Variants in RCOR3 observed in about 807,000 individuals in gnomAD.
RCOR3 encodes REST corepressor 3.
A neutral mutation model predicts 64.1 loss-of-function variants in RCOR3; 13 were observed. The observed-to-expected ratio is 0.20, with a 90% CI of 0.13 to 0.32. The LOEUF is 0.32. Ranked by LOEUF, RCOR3 falls within the 10% of genes least tolerant of loss-of-function variation. RCOR3 has a pLI of 1.00. For missense variants in RCOR3, 489 were observed against 701.2 expected (o/e 0.70, Z 3.42); for synonymous variants, 215 against 239.0 (o/e 0.90, Z 0.93).
chr1:211,284,520 TTATTTATG>T (rs77980024), intron 7 of RCOR3, among the ~76,000 whole-genome samples: 45,852 of 150,002 alleles, frequency 0.31, 7,392 homozygotes, highest in African/African-American at 0.38. Flanking sequence ...ATTTATTTAT[TTATTTATG>T]TATTTATTTA....
At chr1:211,294,479 G>A (rs1160941983) in intron 8 of RCOR3, among the ~76,000 whole-genome samples, 1 of 150,156 alleles carries the variant, frequency 6.7e-6, no homozygotes, top group Non-Finnish European at 1.5e-5. Flanking sequence ...TGTCTTATGT[G>A]TCATTGAAGT....
At chr1:211,291,472 T>C (rs1699233887) in intron 8 of RCOR3, 1 of 433,988 alleles carries the variant, frequency 2.3e-6, no homozygotes, top group Non-Finnish European at 4.6e-6. Flanking sequence ...CCAAGCATTT[T>C]GGATAAGGGA....
intron 10 of RCOR3, among the ~76,000 whole-genome samples, chr1:211,310,839 G>A (rs1044793320): frequency 6.6e-6 from 1 of 152,166 alleles, no homozygotes; most frequent in Non-Finnish European, 1.5e-5. Flanking sequence ...TAGGAATACA[G>A]TCTAATCCTA....
At chr1:211,289,792 CATT>C (rs1480071431) in intron 8 of RCOR3, among the ~76,000 whole-genome samples, 3 of 152,278 alleles carry the variant, frequency 2.0e-5, no homozygotes, top group South Asian at 2.1e-4. Context: ...TCATCATCAT[CATT>C]ATCAGTAGTA....
At chr1:211,263,995 T>G (rs1165908294) in intron 2 of RCOR3, among the ~76,000 whole-genome samples, 1 of 152,142 alleles carries the variant, frequency 6.6e-6, no homozygotes, top group Non-Finnish European at 1.5e-5. Flanking sequence ...TTTTGTTTTT[T>G]GTATTTTTGT....
At position 211,279,270 on chromosome 1, in the gene RCOR3, A is replaced by G. The variant is rs1697440976; in HGVS notation, c.674A>G (p.Asp225Gly). ...DDDVEETHPM[D>G]GNDSDYDPKK... Reference sequence around the variant, plus strand: ...GATGTAGAAGAAACACATCCAATGGATGGGAATGATAGTGATTATGATCCC... The same window carrying G: ...GATGTAGAAGAAACACATCCAATGGGTGGGAATGATAGTGATTATGATCCC... The change falls in exon 7 of 12, where the codon GAT becomes GGT. Residue 225 changes from aspartate to glycine, a missense_variant. By Grantham distance (94) the Asp-to-Gly change is moderately conservative (BLOSUM62 -1). Around this residue, in one of 2 missense-constraint regions of RCOR3, gnomAD observed 402 missense variants for 617.0 expected, o/e 0.65. Transcript: ENST00000419091. 6.2e-7 allele frequency: 1 copy of G among 1,612,506 alleles called. No individual in the cohort carries two copies. Among genetic ancestry groups the G allele is most frequent in the African/African-American group, 1.3e-5 (1 of 74,832 alleles).
intron 2 of RCOR3, among the ~76,000 whole-genome samples, chr1:211,263,022 C>G (rs1558037688): frequency 1.0e-5 from 1 of 100,152 alleles, no homozygotes; most frequent in Non-Finnish European, 2.0e-5. Flanking sequence ...TCCCTCCCCC[C>G]TGCCCCCACC....
intron 2 of RCOR3, among the ~76,000 whole-genome samples, chr1:211,262,005 T>G (rs376152799): frequency 4.8e-4 from 67 of 140,012 alleles, no homozygotes; most frequent in African/African-American, 1.7e-3. Context: ...AGGCTTTCCC[T>G]GAGCCTCAGT....
At chr1:211,300,746 C>T (rs1410991898) in intron 9 of RCOR3, among the ~76,000 whole-genome samples, 12 of 152,182 alleles carry the variant, frequency 7.9e-5, no homozygotes, top group Non-Finnish European at 2.9e-5. Context: ...ATAGCAAGTG[C>T]AGTAGTGCTG....
Position 211,295,066 on chromosome 1 carries a change from T to TTTTTTG in RCOR3, c.940-609_940-608insTTTTGT, listed in dbSNP as rs1553259603. On this transcript the variant is annotated intron_variant, in intron 8 of 11. Transcript: ENST00000419091. ...CTAATTTTTTTTTTTTTTTTTTTTT[T>TTTTTTG]TCATAGAGACAGGTTCTCACTATAT... 7.1e-4 allele frequency among the ~76,000 whole-genome samples: 81 copies of TTTTTTG among 113,302 alleles called. 1 individual carries two copies. Among genetic ancestry groups the TTTTTTG allele is most frequent in the South Asian group, 1.1e-3 (4 of 3,602 alleles). 74.3% of individuals were successfully genotyped at this position (113,302 alleles called of 152,430 possible).
intron 7 of RCOR3, among the ~76,000 whole-genome samples, chr1:211,286,771 G>T (rs1005837965): frequency 3.9e-5 from 6 of 152,114 alleles, no homozygotes; most frequent in African/African-American, 1.4e-4. Context: ...TACTAGTTTT[G>T]TGCACGGTTT....
chr1:211,302,858 A>G (rs1700516598), intron 9 of RCOR3: 2 of 152,188 alleles, frequency 1.3e-5, no homozygotes, highest in African/African-American at 4.8e-5. Context: ...TCCCTTCTGA[A>G]TAGAGTTCCT....
intron 9 of RCOR3, among the ~76,000 whole-genome samples, chr1:211,298,592 A>G (rs923191938): frequency 2.6e-5 from 4 of 152,226 alleles, no homozygotes; most frequent in African/African-American, 9.7e-5. Context: ...CTACTTAGGA[A>G]GGCAAACTTG....
At chr1:211,271,168 T>C in intron 2 of RCOR3, 64 bp from the exon 3 acceptor site, 1 of 1,480,578 alleles carries the variant, frequency 6.8e-7, no homozygotes. Context: ...GCTTACTTTG[T>C]TTCTACTTAT....
intron 4 of RCOR3, 124 bp downstream of exon 4, chr1:211,274,386 A>G: frequency 1.8e-6 from 1 of 555,782 alleles, no homozygotes; most frequent in East Asian, 3.2e-5. Flanking sequence ...AGATACCACA[A>G]AAGTCCTAGC....
intron 3 of RCOR3, among the ~76,000 whole-genome samples, chr1:211,272,749 G>GCC (rs1558054637): frequency 7.1e-6 from 1 of 141,258 alleles, no homozygotes; most frequent in Non-Finnish European, 1.5e-5. Flanking sequence ...AGCCTCCCAA[G>GCC]TAGCTGGGAC....
At chr1:211,289,631 TAAG>T (rs973618350) in intron 8 of RCOR3, among the ~76,000 whole-genome samples, 5 of 152,246 alleles carry the variant, frequency 3.3e-5, no homozygotes, top group Admixed American at 6.5e-5. Flanking sequence ...TTAACCTCTG[TAAG>T]CTTCAATGTT....
rs1462402766 is a variant in RCOR3, at chr1:211,304,238, G to A, written c.1075+98G>A. 10 of 833,282 alleles carry A rather than the reference G, an allele frequency of 1.2e-5. 1 individual carries two copies. In the South Asian group the frequency reaches 1.8e-4, roughly 15 times the overall value. 51.6% of individuals were successfully genotyped at this position (833,282 alleles called of 1,614,324 possible). ...TTCCCTTCCTTTAGAAATTGATCAA[G>A]AAAGGGCTCTTGTGTTTATCACAAA... On this transcript the variant is annotated intron_variant, in intron 10 of 11. Transcript: ENST00000419091.
In RCOR3 at chr1:211,313,199, A is replaced by AAT. The variant is rs542340074; in HGVS notation, c.1318-224_1318-223insTA. ...TAGTCTTATTTTTATTTTCAGTGTTAAGCTGTTTACAAATAAAGATGCCTG... is the reference window on the plus strand; with the variant it reads ...TAGTCTTATTTTTATTTTCAGTGTTAATAGCTGTTTACAAATAAAGATGCCTG... On this transcript the variant is annotated intron_variant, in intron 11 of 11. Transcript: ENST00000419091. This position sits in a 1 kb window ranked among gnomAD's most constrained non-coding sequence, Gnocchi z 4.7. The AAT allele has an allele frequency of 8.4e-4, 1,204 of 1,433,298 alleles. 8 individuals carry two copies. The African/African-American group carries it at 0.016, about 18-fold the overall frequency. The allele number at this position is 1,433,298 out of a possible 1,614,324, so 88.8% of individuals were successfully genotyped here. A position where few individuals can be genotyped will look rare whatever the true frequency, so the allele number is the denominator to read the frequency against.
Sources: gnomAD v4.1 joint callset for allele counts (sites outside exome capture counted in the v4.1 genomes callset) on GRCh38, gnomAD v4.1.1 for gene constraint, gnomAD v4.1.1 regional missense constraint, Gnocchi (gnomAD v3.1) non-coding constraint, MANE v1.5 for transcripts, NCBI Gene and HGNC (gene_info 2026-07-23, HGNC 2026-07-21) for gene names.